ZC3H11A: variants seen among roughly 807,000 people sequenced by gnomAD.
ZC3H11A encodes zinc finger CCCH-type containing 11A.
ZC3H11A carries 22 observed loss-of-function variants against 90.8 expected under a neutral mutation model. The ratio of observed to expected loss-of-function variants is 0.24; its 90% CI spans 0.17 to 0.35. The LOEUF (loss-of-function observed/expected upper bound fraction) is 0.35. Ranked by LOEUF, ZC3H11A falls within the 10% of genes least tolerant of loss-of-function variation. The pLI is 1.00. For synonymous variants in ZC3H11A, 294 were observed against 339.8 expected (o/e 0.87, Z 1.48); for missense variants, 701 against 964.9 (o/e 0.73, Z 3.62).
chr1:203,833,810 A>G lies in ZC3H11A; in HGVS notation c.831A>G (p.Arg277=). ...TTTCAGGAGAAGAACCCTTGGTTAG[A>G]TTGAGTCTTACTGAGAGACTGGGGA... ...STKQGEEPLV[R]LSLTERLGKR... The change falls in exon 10 of 18, where the codon AGA becomes AGG. Residue 277 remains arginine, a synonymous_variant. Transcript: ENST00000367210. The G allele has an allele frequency of 6.2e-7, 1 of 1,609,552 alleles. No individual in the cohort carries two copies.
At chr1:203,817,649 T>A (rs543824079) in intron 3 of ZC3H11A, among the ~76,000 whole-genome samples, 1 of 152,248 alleles carries the variant, frequency 6.6e-6, no homozygotes, top group Admixed American at 6.5e-5. Context: ...TCCTTGATTC[T>A]TTTGCAGCTC....
chr1:203,797,155 C>T, intron 1 of ZC3H11A: 1 of 162,348 alleles, frequency 6.2e-6, no homozygotes, highest in Non-Finnish European at 1.3e-5. Flanking sequence ...CTTGATGAAG[C>T]AGGAAGAACA....
At chr1:203,842,848 A>C (rs1308855378) in intron 12 of ZC3H11A, among the ~76,000 whole-genome samples, 2 of 151,574 alleles carry the variant, frequency 1.3e-5, no homozygotes, top group East Asian at 3.9e-4. Context: ...TTAAATTATG[A>C]AATATAACTA....
At chr1:203,800,735 A>G (rs1451455539) in intron 1 of ZC3H11A, 2 of 254,030 alleles carry the variant, frequency 7.9e-6, no homozygotes, top group Admixed American at 5.3e-5. Context: ...GCAGCATTGA[A>G]AGGCCTTAGG....
intron 9 of ZC3H11A, among the ~76,000 whole-genome samples, chr1:203,832,365 A>ATT (rs575486286): frequency 7.0e-6 from 1 of 143,494 alleles, no homozygotes; most frequent in Admixed American, 7.0e-5. Flanking sequence ...TTGGCCATTA[A>ATT]TTTTTTTTTT....
At chr1:203,845,924 T>TC (rs1687765530) in intron 12 of ZC3H11A, among the ~76,000 whole-genome samples, 1 of 151,814 alleles carries the variant, frequency 6.6e-6, no homozygotes, top group South Asian at 2.1e-4. Context: ...CACGGAATAC[T>TC]CCAAGTAGAG....
intron 12 of ZC3H11A, among the ~76,000 whole-genome samples, chr1:203,846,956 G>T (rs1688068675): frequency 6.6e-6 from 1 of 151,338 alleles, no homozygotes; most frequent in African/African-American, 2.4e-5. Flanking sequence ...AGTGAGCTGA[G>T]ATTATACCAC....
intron 4 of ZC3H11A, among the ~76,000 whole-genome samples, chr1:203,826,305 A>C (rs1680496859): frequency 6.6e-6 from 1 of 151,792 alleles, no homozygotes; most frequent in African/African-American, 2.4e-5. Flanking sequence ...ACAGTAGCCT[A>C]TACTTTTAAA....
chr1:203,801,938 G>A lies in ZC3H11A; in HGVS notation c.-1224G>A, dbSNP rs931000540. The A allele has an allele frequency of 5.9e-5, 9 of 152,384 alleles. No individual in the cohort carries two copies. The highest frequency in any genetic ancestry group is 1.9e-4 in the African/African-American group (8 of 41,366). The allele number at this position is 152,384 out of a possible 1,614,324, so 9.4% of individuals were successfully genotyped here. On this transcript the variant is annotated 5_prime_UTR_variant, in exon 2 of 18. Coordinates refer to ENST00000367210, the MANE Select transcript of ZC3H11A (RefSeq NM_001376342.1). The stretch of plus-strand genomic sequence containing the variant: ...TATACTTACAAAGTCTTTAGCTGTA[G>A]CCATTAGTAGTAAAGAATTTGGACC...
chr1:203,836,243 A>T (rs1684284066), intron 10 of ZC3H11A, among the ~76,000 whole-genome samples: 1 of 152,178 alleles, frequency 6.6e-6, no homozygotes, highest in Admixed American at 6.5e-5. Context: ...AAGTTCTTAA[A>T]ATATAGAAAT....
intron 8 of ZC3H11A, 113 bp downstream of exon 8, chr1:203,830,316 G>C (rs1681847293): frequency 2.5e-6 from 2 of 815,592 alleles, no homozygotes; most frequent in South Asian, 3.7e-5. Flanking sequence ...TCCATGGCCT[G>C]TTTGAAGTAA....
At chr1:203,799,569 ACT>A (rs1669878119) in intron 1 of ZC3H11A, 1 of 702,832 alleles carries the variant, frequency 1.4e-6, no homozygotes, top group Non-Finnish European at 2.6e-6. Flanking sequence ...CCTTCAGTGG[ACT>A]CTAATGACTT....
At chr1:203,796,196 C>T (rs1571834956) in intron 1 of ZC3H11A, 2 of 382,594 alleles carry the variant, frequency 5.2e-6, no homozygotes, top group East Asian at 7.5e-5. Context: ...TTGCTTTCTT[C>T]GGGGCAACAG....
At chr1:203,800,559 T>C (rs1425886255) in intron 1 of ZC3H11A, 3 of 1,140,624 alleles carry the variant, frequency 2.6e-6, no homozygotes, top group Non-Finnish European at 3.5e-6. Context: ...TATAAACACA[T>C]CTGGGGAAAC....
At chr1:203,844,172 A>T (rs1402793864) in intron 12 of ZC3H11A, among the ~76,000 whole-genome samples, 3 of 143,638 alleles carry the variant, frequency 2.1e-5, no homozygotes, top group Non-Finnish European at 4.6e-5. Context: ...TTTTATTTTT[A>T]TTTTTGTTTG....
At chr1:203,845,831 A>C (rs1052193871) in intron 12 of ZC3H11A, among the ~76,000 whole-genome samples, 5 of 152,098 alleles carry the variant, frequency 3.3e-5, no homozygotes, top group Admixed American at 2.0e-4. Context: ...ACCACTGCAC[A>C]CTCCAGCCTG....
In ZC3H11A at chr1:203,819,304, C is replaced by T. The variant is rs190782204; in HGVS notation, c.174+615C>T. 6.8e-3 allele frequency among the ~76,000 whole-genome samples: 1,025 copies of T among 150,768 alleles called. 19 individuals carry two copies. Among genetic ancestry groups the T allele is most frequent in the African/African-American group, 0.024 (987 of 41,064 alleles). The stretch of plus-strand genomic sequence containing the variant: ...TGGCGCAATCTCTGCTTACTGCAAC[C>T]TCCACCTCCCAGGTTCAAGCGATTC... On this transcript the variant is annotated intron_variant, in intron 4 of 17. Transcript: ENST00000367210.
intron 4 of ZC3H11A, among the ~76,000 whole-genome samples, chr1:203,821,964 A>C (rs778303275): frequency 6.6e-6 from 1 of 152,042 alleles, no homozygotes; most frequent in Non-Finnish European, 1.5e-5. Flanking sequence ...TCACCGTGTT[A>C]GCCAGGATGG....
chr1:203,840,687 T>C (rs1438402851), intron 12 of ZC3H11A, among the ~76,000 whole-genome samples: 1 of 151,854 alleles, frequency 6.6e-6, no homozygotes, highest in African/African-American at 2.4e-5. Context: ...AGGCTGGAGT[T>C]AAATGGCAAG....
Sources: gnomAD v4.1 joint callset for allele counts (sites outside exome capture counted in the v4.1 genomes callset) on GRCh38, gnomAD v4.1.1 for gene constraint, MANE v1.5 for transcripts, NCBI Gene and HGNC (gene_info 2026-07-23, HGNC 2026-07-21) for gene names.